The following ANKRD12 variants were observed in gnomAD, a reference collection of about 807,000 sequenced individuals.
ANKRD12 encodes the protein ankyrin repeat domain 12.
Under a neutral mutation model 183.4 loss-of-function variants are expected in ANKRD12, and 85 were observed. The ratio of observed to expected loss-of-function variants is 0.46; its 90% CI spans 0.39 to 0.56. The LOEUF (loss-of-function observed/expected upper bound fraction) is 0.56, where lower values mean the gene tolerates loss of function less well. ANKRD12 is among the 20% of genes least tolerant of loss of function. The pLI is 0.00. For missense variants in ANKRD12, 2,405 were observed against 2,357.1 expected, an observed-to-expected ratio of 1.02 and a Z score of -0.42; for synonymous variants, 914 against 800.2, an observed-to-expected ratio of 1.14 and a Z score of -2.40.
chr18:9,197,690 C>T (rs145598139), intron 3 of ANKRD12, among the ~76,000 whole-genome samples: 1 of 152,146 alleles, frequency 6.6e-6, no homozygotes, highest in East Asian at 1.9e-4. Flanking sequence ...TCATAAAGAA[C>T]AGAAAATATA....
At chr18:9,176,739 C>T (rs1021296669) in intron 1 of ANKRD12, among the ~76,000 whole-genome samples, 1 of 151,914 alleles carries the variant, frequency 6.6e-6, no homozygotes, top group Non-Finnish European at 1.5e-5. Flanking sequence ...GAATGTTTTG[C>T]CTTCATTATA....
chr18:9,147,092 T>C (rs1376111020), intron 1 of ANKRD12, among the ~76,000 whole-genome samples: 3 of 152,210 alleles, frequency 2.0e-5, no homozygotes, highest in African/African-American at 7.2e-5. Context: ...CACAACTGCA[T>C]CAAGAATTTG....
At chr18:9,188,949 G>T (rs974034257) in intron 2 of ANKRD12, among the ~76,000 whole-genome samples, 7 of 152,178 alleles carry the variant, frequency 4.6e-5, no homozygotes, top group Non-Finnish European at 7.3e-5. Flanking sequence ...GTATTCAAGT[G>T]AAGAGTGGAA....
chr18:9,153,425 T>C (rs900005903), intron 1 of ANKRD12, among the ~76,000 whole-genome samples: 5 of 152,240 alleles, frequency 3.3e-5, no homozygotes, highest in African/African-American at 1.2e-4. Flanking sequence ...CATTTTGAAA[T>C]CCTTTGTCTT....
chr18:9,251,210 A>G (rs1297160873), intron 8 of ANKRD12, among the ~76,000 whole-genome samples: 1 of 152,094 alleles, frequency 6.6e-6, no homozygotes, highest in Non-Finnish European at 1.5e-5. Flanking sequence ...TTTTTAAGAG[A>G]TTTTGAGGGA....
In ANKRD12 at chr18:9,284,414, T is replaced by C. The variant is rs534795905; in HGVS notation, c.*3288T>C. 1 of 152,328 alleles carries C rather than the reference T, an allele frequency of 6.6e-6. No individual in the cohort carries two copies. Among genetic ancestry groups the C allele is most frequent in the South Asian group, 2.1e-4 (1 of 4,822 alleles). 9.4% of individuals were successfully genotyped at this position (152,328 alleles called of 1,614,324 possible). On this transcript the variant is annotated 3_prime_UTR_variant, in exon 13 of 13. Transcript: ENST00000262126. ...AAAAAGAAAATTATTGTCTCTGATA[T>C]CTTAAAACATAAAAACCCAAAATTT...
At position 9,269,425 on chromosome 18, in the gene ANKRD12, C is replaced by T. The variant is rs1041681821; in HGVS notation, c.5763+5537C>T. ...TGGTACTGGTACCAAAACAGAGATA[C>T]AGACCAATGGAACAGAACAGAGCCC... On this transcript the variant is annotated intron_variant, in intron 10 of 12. Coordinates refer to ENST00000262126, the MANE Select transcript of ANKRD12 (RefSeq NM_015208.5). 1.4e-4 allele frequency among the ~76,000 whole-genome samples: 22 copies of T among 152,164 alleles called. No individual in the cohort carries two copies. In the East Asian group the frequency reaches 2.1e-3, roughly 15 times the overall value.
intron 1 of ANKRD12, among the ~76,000 whole-genome samples, chr18:9,164,621 A>G (rs1190032724): frequency 6.6e-6 from 1 of 152,068 alleles, no homozygotes; most frequent in Non-Finnish European, 1.5e-5. Flanking sequence ...GTTTCCAAGA[A>G]CTTCTTGATT....
At chr18:9,215,003 T>A (rs551285447) in intron 6 of ANKRD12, among the ~76,000 whole-genome samples, 1 of 152,260 alleles carries the variant, frequency 6.6e-6, no homozygotes, top group Non-Finnish European at 1.5e-5. Flanking sequence ...AAAGGATGGT[T>A]TAATAATTTT....
At chr18:9,227,141 G>A (rs1026648791) in intron 8 of ANKRD12, among the ~76,000 whole-genome samples, 1 of 151,956 alleles carries the variant, frequency 6.6e-6, no homozygotes, top group African/African-American at 2.4e-5. Context: ...GGGCCATGAT[G>A]CATTTAATTT....
At chr18:9,247,859 A>G (rs370994839) in intron 8 of ANKRD12, among the ~76,000 whole-genome samples, 13 of 151,770 alleles carry the variant, frequency 8.6e-5, no homozygotes, top group Non-Finnish European at 1.5e-4. Context: ...CTGGAGTGCA[A>G]TGGTGCAACT....
intron 5 of ANKRD12, 26 bp downstream of exon 5, chr18:9,208,829 T>G (rs1261131357): frequency 6.8e-7 from 1 of 1,477,108 alleles, no homozygotes; most frequent in Non-Finnish European, 9.0e-7. Context: ...ATTGAGTTAA[T>G]GTGTATCCCT....
intron 8 of ANKRD12, among the ~76,000 whole-genome samples, chr18:9,231,698 G>A (rs887551581): frequency 1.3e-5 from 2 of 151,576 alleles, no homozygotes; most frequent in African/African-American, 2.4e-5. Flanking sequence ...GGTGGCAGGC[G>A]CCTGTAGTCC....
rs563766063 is a variant in ANKRD12, at chr18:9,162,944, G to A, written c.-51-19438G>A. 1.2e-4 allele frequency among the ~76,000 whole-genome samples: 19 copies of A among 152,146 alleles called. No individual in the cohort carries two copies. In the South Asian group the frequency reaches 3.1e-3, roughly 25 times the overall value. On this transcript the variant is annotated intron_variant, in intron 1 of 12. Transcript: ENST00000262126. ...TCCTTGTAGACTCTGGATATTAAAT[G>A]TTTGTCAGATGCACAGATTGCAAAA...
intron 8 of ANKRD12, among the ~76,000 whole-genome samples, chr18:9,251,315 C>G (rs1404734475): frequency 6.6e-6 from 1 of 152,124 alleles, no homozygotes; most frequent in African/African-American, 2.4e-5. Context: ...AAAAGATGGA[C>G]ATTGATGGTT....
At chr18:9,175,523 C>CTTTTT (rs33944736) in intron 1 of ANKRD12, among the ~76,000 whole-genome samples, 6,747 of 53,270 alleles carry the variant, frequency 0.13, 2,065 homozygotes, top group Middle Eastern at 0.2. Context: ...AAAGGCTCCT[C>CTTTTT]TTTTTTTTTT....
chr18:9,240,343 A>G (rs926252318), intron 8 of ANKRD12, among the ~76,000 whole-genome samples: 1 of 152,278 alleles, frequency 6.6e-6, no homozygotes. Flanking sequence ...GTCTAAGTCC[A>G]TGTTACCTTC....
intron 1 of ANKRD12, among the ~76,000 whole-genome samples, chr18:9,168,002 T>G (rs1422100894): frequency 1.3e-5 from 2 of 152,220 alleles, no homozygotes; most frequent in Non-Finnish European, 2.9e-5. Context: ...TTGGTTCTGT[T>G]TATATGCTGG....
At chr18:9,263,412 C>T (rs1486432931) in intron 9 of ANKRD12, among the ~76,000 whole-genome samples, 2 of 152,054 alleles carry the variant, frequency 1.3e-5, no homozygotes, top group Non-Finnish European at 2.9e-5. Context: ...ATATAGATAC[C>T]AATTGAACTG....
Sources: gnomAD v4.1 joint callset for allele counts (sites outside exome capture counted in the v4.1 genomes callset) on GRCh38, gnomAD v4.1.1 for gene constraint, MANE v1.5 for transcripts, NCBI Gene and HGNC (gene_info 2026-07-23, HGNC 2026-07-21) for gene names.